Variants in HACD2 observed in about 807,000 individuals in gnomAD.
HACD2 encodes the protein 3-hydroxyacyl-CoA dehydratase 2, also known as very-long-chain (3R)-3-hydroxyacyl-CoA dehydratase 2.
A neutral mutation model predicts 31.0 loss-of-function variants in HACD2; 15 were observed. The observed-to-expected ratio is 0.48, with a 90% CI of 0.32 to 0.75. The LOEUF (loss-of-function observed/expected upper bound fraction) is 0.75, where lower values mean the gene tolerates loss of function less well. HACD2 is among the 30% of genes least tolerant of loss of function. HACD2 has a pLI of 0.03. For missense variants in HACD2, 283 were observed against 313.0 expected (o/e 0.90, Z 0.72); for synonymous variants, 115 against 122.2 (o/e 0.94, Z 0.39).
chr3:123,581,977 T>G (rs2056970589), intron 2 of HACD2, among the ~76,000 whole-genome samples: 1 of 152,182 alleles, frequency 6.6e-6, no homozygotes, highest in South Asian at 2.1e-4. Flanking sequence ...CTTGCTTCAG[T>G]TGATTTCCCA....
At chr3:123,513,048 T>C (rs1346633151) in intron 4 of HACD2, among the ~76,000 whole-genome samples, 1 of 152,126 alleles carries the variant, frequency 6.6e-6, no homozygotes, top group Non-Finnish European at 1.5e-5. Flanking sequence ...TCTGGAAATC[T>C]TTTTGTGCCA....
At chr3:123,532,788 C>T (rs369539938) in intron 3 of HACD2, among the ~76,000 whole-genome samples, 9 of 124,594 alleles carry the variant, frequency 7.2e-5, no homozygotes, top group Admixed American at 1.1e-4. Context: ...GAGCCGAAAA[C>T]GTGCCACTGT....
intron 3 of HACD2, among the ~76,000 whole-genome samples, chr3:123,542,264 C>T (rs992173150): frequency 6.7e-6 from 1 of 148,572 alleles, no homozygotes; most frequent in African/African-American, 2.5e-5. Flanking sequence ...AAAATGGCCA[C>T]AATTAATAAA....
At chr3:123,551,117 A>G (rs907647918) in intron 3 of HACD2, among the ~76,000 whole-genome samples, 1 of 152,158 alleles carries the variant, frequency 6.6e-6, no homozygotes, top group African/African-American at 2.4e-5. Context: ...CTTGTTTATC[A>G]TGGAAAAGGG....
intron 3 of HACD2, among the ~76,000 whole-genome samples, chr3:123,563,913 T>A (rs1201073839): frequency 6.6e-6 from 1 of 152,202 alleles, no homozygotes; most frequent in African/African-American, 2.4e-5. Flanking sequence ...ATTATTGCTA[T>A]AAGCCTAGAA....
chr3:123,524,745 C>T (rs575171598), intron 4 of HACD2, among the ~76,000 whole-genome samples: 1 of 152,148 alleles, frequency 6.6e-6, no homozygotes, highest in East Asian at 1.9e-4. Flanking sequence ...CCTCAGCCTC[C>T]CAAAGTGCTG....
chr3:123,509,995 T>A (rs931830285), intron 4 of HACD2, among the ~76,000 whole-genome samples: 1 of 152,204 alleles, frequency 6.6e-6, no homozygotes, highest in African/African-American at 2.4e-5. Flanking sequence ...TACGTGTGGA[T>A]AATATAAAAT....
chr3:123,510,726 T>G (rs780308037), intron 4 of HACD2, among the ~76,000 whole-genome samples: 1 of 152,234 alleles, frequency 6.6e-6, no homozygotes, highest in Admixed American at 6.5e-5. Flanking sequence ...GCTATGAACA[T>G]TGGTGTATAA....
chr3:123,506,390 A>G (rs2107685060), intron 4 of HACD2, among the ~76,000 whole-genome samples: 1 of 152,246 alleles, frequency 6.6e-6, no homozygotes, highest in Non-Finnish European at 1.5e-5. Context: ...AAATTGGATG[A>G]TAACTTATAT....
chr3:123,569,753 C>T (rs954762124), intron 2 of HACD2, among the ~76,000 whole-genome samples: 8 of 151,872 alleles, frequency 5.3e-5, no homozygotes, highest in Non-Finnish European at 8.8e-5. Context: ...TTTGGGAGGC[C>T]GAGGCAGGCG....
chr3:123,528,304 T>C (rs16834399), intron 4 of HACD2, 82 bp downstream of exon 4: 26,647 of 849,368 alleles, frequency 0.031, 1,804 homozygotes, highest in East Asian at 0.25. Flanking sequence ...TGGAACTCTT[T>C]AGCCATAACA....
rs2055945622 is a variant in HACD2, at chr3:123,504,308, AG to A, written c.382-1628del. Among the ~76,000 whole-genome samples, 4 of 152,356 alleles carry A rather than the reference AG, an allele frequency of 2.6e-5. No individual in the cohort carries two copies. The South Asian group carries it at 8.3e-4, about 32-fold the overall frequency. On this transcript the variant is annotated intron_variant, in intron 4 of 6. Transcript: ENST00000383657. Reference sequence around the variant, plus strand: ...TGCCTAAAGAGCTCTGGGTTATAATAGGAAGTTCCTCTAATATTTTGTACTG... The same window carrying A: ...TGCCTAAAGAGCTCTGGGTTATAATAGAAGTTCCTCTAATATTTTGTACTG...
rs1285421293 is a variant in HACD2, at chr3:123,582,335, A to G, written c.156-6T>C. Reference sequence around the variant, plus strand: ...CAACCGCTATAACCAGCCACCTAGTAAAAGAGAAAACAGCAATCAGGAAAA... The same window carrying G: ...CAACCGCTATAACCAGCCACCTAGTGAAAGAGAAAACAGCAATCAGGAAAA... On this transcript the variant is annotated splice_polypyrimidine_tract_variant and splice_region_variant and intron_variant, in intron 1 of 6. Coordinates refer to ENST00000383657, the MANE Select transcript of HACD2 (RefSeq NM_198402.5). 2 of 1,554,488 alleles carry G rather than the reference A, an allele frequency of 1.3e-6. No homozygotes were observed. The highest frequency in any genetic ancestry group is 2.8e-5 in the African/African-American group (2 of 71,636).
intron 3 of HACD2, among the ~76,000 whole-genome samples, chr3:123,540,076 C>T (rs2056471121): frequency 6.7e-6 from 1 of 148,552 alleles, no homozygotes; most frequent in African/African-American, 2.5e-5. Context: ...GGAGTGAGAC[C>T]CTGTCTAAAA....
At chr3:123,527,688 C>T (rs1331781466) in intron 4 of HACD2, among the ~76,000 whole-genome samples, 2 of 152,156 alleles carry the variant, frequency 1.3e-5, no homozygotes, top group Admixed American at 6.5e-5. Context: ...CTAAGTCCTA[C>T]AGTAGGAACA....
At chr3:123,501,162 A>G (rs2055897711) in intron 5 of HACD2, among the ~76,000 whole-genome samples, 1 of 150,258 alleles carries the variant, frequency 6.7e-6, no homozygotes. Context: ...AAGCATCTGT[A>G]TACTGCTACT....
chr3:123,554,469 G>A (rs953230129), intron 3 of HACD2, among the ~76,000 whole-genome samples: 2 of 151,892 alleles, frequency 1.3e-5, no homozygotes, highest in Non-Finnish European at 2.9e-5. Context: ...TCTGTGAATA[G>A]CCACTGCACT....
At chr3:123,530,783 C>T (rs1007958017) in intron 3 of HACD2, among the ~76,000 whole-genome samples, 3 of 151,800 alleles carry the variant, frequency 2.0e-5, no homozygotes, top group Non-Finnish European at 4.4e-5. Context: ...AACTCCTAAG[C>T]TCACACAATT....
At chr3:123,502,272 T>C (rs1359307747) in intron 5 of HACD2, among the ~76,000 whole-genome samples, 1 of 152,092 alleles carries the variant, frequency 6.6e-6, no homozygotes, top group Non-Finnish European at 1.5e-5. Context: ...CTCTATTGAT[T>C]GCTACTTGGT....
Sources: allele counts gnomAD v4.1 joint callset (sites outside exome capture counted in the v4.1 genomes callset), GRCh38; gene constraint gnomAD v4.1.1; transcripts MANE v1.5; gene names NCBI Gene and HGNC (gene_info 2026-07-23, HGNC 2026-07-21).